The following AEBP2 variants were observed in gnomAD, a reference collection of about 807,000 sequenced individuals.
AEBP2 encodes the protein zinc finger protein AEBP2.
In AEBP2, 10 loss-of-function variants were observed where a neutral mutation model predicts 50.8. The observed-to-expected ratio is 0.20, with a 90% CI of 0.12 to 0.33. The LOEUF is 0.33. Ranked by LOEUF, AEBP2 falls within the 10% of genes least tolerant of loss-of-function variation. The pLI, the probability that AEBP2 is intolerant of heterozygous loss-of-function variation, is 1.00. For missense variants in AEBP2, 570 were observed against 688.0 expected, an observed-to-expected ratio of 0.83 and a Z score of 1.92; for synonymous variants, 296 against 261.3, an observed-to-expected ratio of 1.13 and a Z score of -1.28.
At chr12:19,415,039 C>G (rs2095741476) in intron 1 of AEBP2, among the ~76,000 whole-genome samples, 2 of 151,260 alleles carry the variant, frequency 1.3e-5, no homozygotes, top group Non-Finnish European at 2.9e-5. Flanking sequence ...GGATATGGGC[C>G]AGGTGTGGTG....
At chr12:19,442,290 C>G (rs192260750) in intron 1 of AEBP2, among the ~76,000 whole-genome samples, 5 of 152,180 alleles carry the variant, frequency 3.3e-5, no homozygotes, top group Admixed American at 2.0e-4. Flanking sequence ...CGCCTGTGTT[C>G]CCAGCTACTC....
Position 19,510,865 on chromosome 12 carries a change from C to CTT in AEBP2, c.1300-1517_1300-1516dup, listed in dbSNP as rs58870259. 1.3e-3 allele frequency among the ~76,000 whole-genome samples: 114 copies of CTT among 89,022 alleles called. 6 individuals are homozygous for CTT. The highest frequency in any genetic ancestry group is 5.3e-3 in the Admixed American group (37 of 7,020). The allele number at this position is 89,022 out of a possible 152,430, so 58.4% of individuals were successfully genotyped here. On this transcript the variant is annotated intron_variant, in intron 5 of 7. Coordinates refer to ENST00000266508, the MANE Select transcript of AEBP2 (RefSeq NM_153207.5). ...AGTACATCGCTTTTTAAGGTAGTGA[C>CTT]TTTTTTTTTTTTTTTTTGAGGTGGG...
At chr12:19,478,128 C>T (rs551314148) in intron 3 of AEBP2, among the ~76,000 whole-genome samples, 2 of 152,270 alleles carry the variant, frequency 1.3e-5, no homozygotes, top group Non-Finnish European at 2.9e-5. Context: ...TTTCAAAGAA[C>T]CAGCTTGTTC....
At chr12:19,514,820 A>G (rs762115476) in intron 7 of AEBP2, 36 bp downstream of exon 7, 1 of 1,506,904 alleles carries the variant, frequency 6.6e-7, no homozygotes, top group Admixed American at 2.0e-5. Context: ...TTACTTTTTG[A>G]TTTGTAATTT....
At position 19,518,378 on chromosome 12, in the gene AEBP2, CTT is replaced by C; in HGVS notation, c.*264_*265del. 2.4e-6 allele frequency: 3 copies of C among 1,227,566 alleles called. No individual in the cohort carries two copies. Among genetic ancestry groups the C allele is most frequent in the Middle Eastern group, 3.3e-4 (1 of 3,044 alleles). The allele number at this position is 1,227,566 out of a possible 1,614,324, so 76.0% of individuals were successfully genotyped here. On this transcript the variant is annotated 3_prime_UTR_variant, in exon 8 of 8. Coordinates refer to ENST00000266508, the MANE Select transcript of AEBP2 (RefSeq NM_153207.5). ...TACTGTGGGAGACTGAGCAAACACT[CTT>C]TTGGCAACTTAGTAGAACAGCTTCT... is the stretch of plus-strand genomic sequence containing the variant.
chr12:19,486,878 C>T (rs1170948263), intron 3 of AEBP2, among the ~76,000 whole-genome samples: 1 of 151,918 alleles, frequency 6.6e-6, no homozygotes, highest in Non-Finnish European at 1.5e-5. Flanking sequence ...ATGTAACCCC[C>T]ACCTCCTGGC....
intron 4 of AEBP2, among the ~76,000 whole-genome samples, chr12:19,494,896 G>A (rs1410070940): frequency 6.6e-6 from 1 of 151,876 alleles, no homozygotes; most frequent in Non-Finnish European, 1.5e-5. Context: ...GTTAGTTTGT[G>A]GCTTTATTTT....
intron 2 of AEBP2, among the ~76,000 whole-genome samples, chr12:19,468,831 C>G (rs932273181): frequency 1.5e-4 from 23 of 152,176 alleles, no homozygotes. Context: ...TTGTAGAGTT[C>G]TCAACAGAAA....
intron 4 of AEBP2, among the ~76,000 whole-genome samples, chr12:19,494,914 T>C (rs1053309532): frequency 6.6e-6 from 1 of 152,012 alleles, no homozygotes; most frequent in African/African-American, 2.4e-5. Flanking sequence ...TTTATTATTA[T>C]TATTATTTTT....
chr12:19,449,893 G>T (rs1224288702), intron 1 of AEBP2, among the ~76,000 whole-genome samples: 1 of 152,150 alleles, frequency 6.6e-6, no homozygotes, highest in Non-Finnish European at 1.5e-5. Context: ...AGGTTTGGGA[G>T]TTTACTCTGA....
chr12:19,486,453 C>A (rs1565726825), intron 3 of AEBP2, among the ~76,000 whole-genome samples: 3 of 151,942 alleles, frequency 2.0e-5, no homozygotes, highest in African/African-American at 7.3e-5. Flanking sequence ...GTACAGTGGC[C>A]TGATCTCTAC....
At chr12:19,456,418 G>C in intron 1 of AEBP2, 2 of 1,395,832 alleles carry the variant, frequency 1.4e-6, no homozygotes, top group Non-Finnish European at 2.0e-6. Context: ...GGCTTGCCAG[G>C]AACCATATCA....
At chr12:19,511,716 GT>G (rs1298475575) in intron 5 of AEBP2, among the ~76,000 whole-genome samples, 4 of 152,044 alleles carry the variant, frequency 2.6e-5, no homozygotes, top group African/African-American at 9.7e-5. Context: ...AATATTTGCT[GT>G]CCCCTTTTTG....
chr12:19,509,573 C>T (rs1949202163), intron 5 of AEBP2, among the ~76,000 whole-genome samples: 1 of 151,958 alleles, frequency 6.6e-6, no homozygotes, highest in African/African-American at 2.4e-5. Flanking sequence ...TGGTAAAACC[C>T]CGTCTCTAGA....
chr12:19,422,799 C>T (rs1013535363), intron 1 of AEBP2, among the ~76,000 whole-genome samples: 41 of 152,060 alleles, frequency 2.7e-4, no homozygotes, highest in African/African-American at 9.9e-4. Flanking sequence ...CATGGTGGCT[C>T]ATGGCTGTAA....
At chr12:19,489,762 A>G (rs1383966244) in intron 3 of AEBP2, among the ~76,000 whole-genome samples, 1 of 152,086 alleles carries the variant, frequency 6.6e-6, no homozygotes, top group Non-Finnish European at 1.5e-5. Context: ...TGATGCCTAA[A>G]ATTATTTTTT....
intron 1 of AEBP2, among the ~76,000 whole-genome samples, chr12:19,424,553 C>T (rs1195926795): frequency 4.6e-5 from 7 of 151,938 alleles, no homozygotes; most frequent in East Asian, 3.9e-4. Flanking sequence ...CCCGCCACCT[C>T]GCCTGGCTAA....
chr12:19,445,370 CT>C (rs55898072), intron 1 of AEBP2, among the ~76,000 whole-genome samples: 9,438 of 135,524 alleles, frequency 0.07, 251 homozygotes, highest in South Asian at 0.18. Flanking sequence ...TGCTCGTTTT[CT>C]TTTTTTTTTT....
chr12:19,515,527 A>G (rs998012116), intron 7 of AEBP2, among the ~76,000 whole-genome samples: 1 of 152,228 alleles, frequency 6.6e-6, no homozygotes, highest in Non-Finnish European at 1.5e-5. Flanking sequence ...GAGAGTGATT[A>G]AAAAAGTGGT....
Sources: allele counts gnomAD v4.1 joint callset (sites outside exome capture counted in the v4.1 genomes callset), GRCh38; gene constraint gnomAD v4.1.1; transcripts MANE v1.5; gene names NCBI Gene and HGNC (gene_info 2026-07-23, HGNC 2026-07-21).